CIDEB: variants seen among roughly 807,000 people sequenced by gnomAD.
CIDEB encodes cell death inducing DFFA like effector b, also known as lipid transferase CIDEB.
In CIDEB, 27 loss-of-function variants were observed where a neutral mutation model predicts 22.4. The observed-to-expected ratio is 1.21, with a 90% CI of 0.89 to 1.66. CIDEB has a LOEUF of 1.66. Ranked by LOEUF, CIDEB falls within the 40% of genes most tolerant of loss-of-function variation. The pLI is 0.00. For synonymous variants in CIDEB, 103 were observed against 109.5 expected, an observed-to-expected ratio of 0.94 and a Z score of 0.37; for missense variants, 289 against 268.7, an observed-to-expected ratio of 1.08 and a Z score of -0.53.
At chr14:24,306,178 G>T (rs753190265) in intron 3 of CIDEB, 41 bp from the exon 4 acceptor site, 2 of 1,589,942 alleles carry the variant, frequency 1.3e-6, no homozygotes, top group Non-Finnish European at 1.7e-6. Flanking sequence ...CCTCATACCA[G>T]ACACCCACCA....
chr14:24,307,449 T>G lies in CIDEB; in HGVS notation c.108A>C (p.Arg36=). Residue 36 remains arginine (R), a synonymous_variant, in exon 2 of 5, where the codon CGA becomes CGC. Transcript: ENST00000554411. ...GCTTGTGATCACAGACACGGAAAGG[T>G]CGCTGGGGTGGTGGAGCTGAGGTCC... The part of the protein sequence containing the change: ...RVWTSAPPPQ[R]PFRVCDHKRT... 6.2e-7 allele frequency: 1 copy of G among 1,613,902 alleles called. No individual in the cohort carries two copies. The highest frequency in any genetic ancestry group is 8.5e-7 in the Non-Finnish European group (1 of 1,179,958).
At chr14:24,309,357 C>T (rs944464014), upstream of CIDEB, 3 of 152,258 alleles carry the variant, frequency 2.0e-5, no homozygotes, top group Admixed American at 1.3e-4. Flanking sequence ...TTGGAAGAAC[C>T]CAAACTAAGA....
rs776821155 is a variant in CIDEB at position 24,307,820 on chromosome 14, G to T, written c.39C>A (p.Leu13=). The change falls in exon 1 of 5, where the codon CTC becomes CTA. Residue 13 remains leucine, a splice_region_variant and synonymous_variant. Coordinates refer to ENST00000554411, the MANE Select transcript of CIDEB (RefSeq NM_001393339.1). The stretch of plus-strand genomic sequence containing the variant: ...TAGAGCGGAGGGTTAGCAGTCACCT[G>T]AGTAAGTCACTGGGGTTCAGAGCTG... The part of the protein sequence containing the change: ...YLSALNPSDL[L]RSVSNISSEF... The T allele has an allele frequency of 6.3e-7, 1 of 1,594,902 alleles. No individual in the cohort carries two copies. The highest frequency in any genetic ancestry group is 8.5e-7 in the Non-Finnish European group (1 of 1,170,308).
Position 24,306,261 on chromosome 14 carries a change from A to G in CIDEB, c.336+113T>C, listed in dbSNP as rs561178821. ...TGTCCACTGTGTGACATCCTTGACA[A>G]TTCCACAACTCCTCCTGCACCTGGT... On this transcript the variant is annotated intron_variant, in intron 3 of 4. Transcript: ENST00000554411. 1,192 of 1,538,618 alleles carry G rather than the reference A, an allele frequency of 7.7e-4. 3 individuals carry two copies. Among genetic ancestry groups the G allele is most frequent in the Non-Finnish European group, 9.9e-4 (1,111 of 1,122,454 alleles).
intron 2 of CIDEB, 193 bp from the exon 3 acceptor site, chr14:24,306,716 C>T: frequency 1.6e-6 from 1 of 627,014 alleles, no homozygotes; most frequent in Non-Finnish European, 2.7e-6. Context: ...AGAGGCTGAC[C>T]TTTTTCCTCT....
At chr14:24,306,176 C>G in intron 3 of CIDEB, 39 bp from the exon 4 acceptor site, 1 of 1,591,968 alleles carries the variant, frequency 6.3e-7, no homozygotes, top group South Asian at 1.1e-5. Flanking sequence ...ATCCTCATAC[C>G]AGACACCCAC....
intron 1 of CIDEB, 41 bp from the exon 2 acceptor site, chr14:24,307,556 G>C: frequency 6.2e-7 from 1 of 1,601,588 alleles, no homozygotes; most frequent in Non-Finnish European, 8.5e-7. Flanking sequence ...GCGAGGAGGG[G>C]CTTGGTGAGT....
chr14:24,306,172 A>G, intron 3 of CIDEB, 35 bp from the exon 4 acceptor site: 1 of 1,596,688 alleles, frequency 6.3e-7, no homozygotes, highest in Middle Eastern at 1.8e-4. Context: ...GTAGATCCTC[A>G]TACCAGACAC....
At chr14:24,310,498 G>A, upstream of CIDEB, 1 of 762,278 alleles carries the variant, frequency 1.3e-6, no homozygotes, top group Non-Finnish European at 2.3e-6. Flanking sequence ...TGTTTGAGGT[G>A]GGGTCTGGGT....
chr14:24,306,552 A>G (rs1379595259), intron 2 of CIDEB, 29 bp from the exon 3 acceptor site: 2 of 1,614,098 alleles, frequency 1.2e-6, no homozygotes, highest in Admixed American at 1.7e-5. Flanking sequence ...CAAGAAGGGC[A>G]GGTCTTATCC....
In CIDEB at chr14:24,305,412, A is replaced by G. The variant is rs1396254739; in HGVS notation, c.*221T>C. ...GGCCTTTCAGGGCAAGTGGGAGGCC[A>G]GAAAGGTGGCTAGGAAAGAACAGCA... On this transcript the variant is annotated 3_prime_UTR_variant, in exon 5 of 5. Coordinates refer to ENST00000554411, the MANE Select transcript of CIDEB (RefSeq NM_001393339.1). 3.3e-6 allele frequency: 2 copies of G among 612,218 alleles called. No individual in the cohort carries two copies. Among genetic ancestry groups the G allele is most frequent in the Admixed American group, 3.6e-5 (1 of 27,752 alleles). The allele number at this position is 612,218 out of a possible 1,614,324, so 37.9% of individuals were successfully genotyped here.
chr14:24,306,351 C>T, intron 3 of CIDEB, 23 bp downstream of exon 3: 1 of 1,613,972 alleles, frequency 6.2e-7, no homozygotes, highest in South Asian at 1.1e-5. Context: ...GCATTGGAAG[C>T]AGCCCCAGTA....
upstream of CIDEB, chr14:24,308,285 G>C (rs917368579): frequency 4.2e-6 from 1 of 240,664 alleles, no homozygotes; most frequent in African/African-American, 2.2e-5. Context: ...CCACCTACTG[G>C]AGAAGCCATA....
chr14:24,307,447 G>A lies in CIDEB; in HGVS notation c.110C>T (p.Pro37Leu), dbSNP rs373402348. The A allele has an allele frequency of 5.0e-6, 8 of 1,614,170 alleles. No homozygotes were observed. Among genetic ancestry groups the A allele is most frequent in the Non-Finnish European group, 3.4e-6 (4 of 1,180,024 alleles). Reference sequence around the variant, plus strand: ...CCGCTTGTGATCACAGACACGGAAAGGTCGCTGGGGTGGTGGAGCTGAGGT... The same window carrying A: ...CCGCTTGTGATCACAGACACGGAAAAGTCGCTGGGGTGGTGGAGCTGAGGT... ...VWTSAPPPQR[P>L]FRVCDHKRTI... The change falls in exon 2 of 5, where the codon CCT becomes CTT. Residue 37 changes from proline to leucine, a missense_variant. Transcript: ENST00000554411.
In CIDEB at chr14:24,307,483, C is replaced by T. The variant is rs141428372; in HGVS notation, c.74G>A (p.Arg25Gln). 56 of 1,614,004 alleles carry T rather than the reference C, an allele frequency of 3.5e-5. No individual in the cohort carries two copies. Among genetic ancestry groups the T allele is most frequent in the Non-Finnish European group, 4.5e-5 (53 of 1,179,962 alleles). ...SVSNISSEFG[R>Q]RVWTSAPPPQ... ...TGGTGGAGCTGAGGTCCAGACCCTC[C>T]GTCCAAACTCCGAGCTTATATTAGA... The change falls in exon 2 of 5, where the codon CGG becomes CAG. Residue 25 changes from arginine to glutamine, a missense_variant. Transcript: ENST00000554411.
At chr14:24,311,124 G>C (rs373025965), upstream of CIDEB, 22 of 1,581,710 alleles carry the variant, frequency 1.4e-5, 1 homozygote, top group South Asian at 2.4e-4. Context: ...GTTGCTCGCC[G>C]TCCCGGCCGC....
In CIDEB at chr14:24,306,142, A is replaced by G; in HGVS notation, c.337-5T>C. On this transcript the variant is annotated splice_region_variant and splice_polypyrimidine_tract_variant and intron_variant, in intron 3 of 4. Coordinates refer to ENST00000554411, the MANE Select transcript of CIDEB (RefSeq NM_001393339.1). ...GCCATATGACAGCACTCCACTCTGT[A>G]GGACACCCTTGTCAGTGCAGTAGAT... is the stretch of plus-strand genomic sequence containing the variant. 2 of 1,612,570 alleles carry G rather than the reference A, an allele frequency of 1.2e-6. No homozygotes were observed. Among genetic ancestry groups the G allele is most frequent in the Non-Finnish European group, 1.7e-6 (2 of 1,179,114 alleles).
rs1387872094 is a variant in CIDEB at position 24,306,542 on chromosome 14, C to CA, written c.187-20dup. 1.2e-6 allele frequency: 2 copies of CA among 1,614,120 alleles called. No homozygotes were observed. The highest frequency in any genetic ancestry group is 4.5e-5 in the East Asian group (2 of 44,902). On this transcript the variant is annotated intron_variant, in intron 2 of 4. Transcript: ENST00000554411. The stretch of plus-strand genomic sequence containing the variant: ...CCAATGCCTGCCCAATGGCAAGAAG[C>CA]AAGAAGGGCAGGTCTTATCCCATGC...
chr14:24,307,867 G>A lies in CIDEB; in HGVS notation c.-9C>T, dbSNP rs202014197. On this transcript the variant is annotated 5_prime_UTR_variant, in exon 1 of 5. Transcript: ENST00000554411. ...GCTGAGAGGTACTCCATGGTGGACC[G>A]GAGAGTTCCTTCCCTGGAACTTCTG... 1.9e-5 allele frequency: 30 copies of A among 1,585,658 alleles called. No individual in the cohort carries two copies. In the East Asian group the frequency reaches 2.5e-4, roughly 13 times the overall value.
Sources: gnomAD v4.1 joint callset for allele counts on GRCh38, gnomAD v4.1.1 for gene constraint, MANE v1.5 for transcripts, NCBI Gene and HGNC (gene_info 2026-07-23, HGNC 2026-07-21) for gene names.